Variants in TRPC4AP observed in about 807,000 individuals in gnomAD.
The protein encoded by TRPC4AP is transient receptor potential cation channel subfamily C member 4 associated protein.
TRPC4AP carries 45 observed loss-of-function variants against 99.0 expected under a neutral mutation model. That is an observed-to-expected ratio of 0.45 (90% confidence interval 0.36 to 0.58). The LOEUF (loss-of-function observed/expected upper bound fraction) is 0.58. Ranked by LOEUF, TRPC4AP falls within the 20% of genes least tolerant of loss-of-function variation. The pLI, the probability that TRPC4AP is intolerant of heterozygous loss-of-function variation, is 0.00. For synonymous variants in TRPC4AP, 408 were observed against 385.8 expected (o/e 1.06, Z -0.67); for missense variants, 879 against 985.3 (o/e 0.89, Z 1.44).
intron 2 of TRPC4AP, among the ~76,000 whole-genome samples, chr20:35,069,709 G>A (rs2084254258): frequency 6.6e-6 from 1 of 152,196 alleles, no homozygotes; most frequent in South Asian, 2.1e-4. Flanking sequence ...GGGAGGCTAA[G>A]GTGGGCGGAT....
chr20:35,044,617 G>A lies in TRPC4AP; in HGVS notation c.753C>T (p.Val251=). The A allele has an allele frequency of 6.2e-7, 1 of 1,614,110 alleles. No individual in the cohort carries two copies. The highest frequency in any genetic ancestry group is 8.5e-7 in the Non-Finnish European group (1 of 1,180,012). Residue 251 remains valine (V), a synonymous_variant, in exon 7 of 19, where the codon GTC becomes GTT. Coordinates refer to ENST00000252015, the MANE Select transcript of TRPC4AP (RefSeq NM_015638.3). ...QLANFCRILA[V]TISEMDTGND... ...TCCCTGTATCCATCTCTGAAATGGT[G>A]ACAGCCAGAATCCGGCAGAAATTAG... is the stretch of plus-strand genomic sequence containing the variant.
In TRPC4AP at chr20:35,003,212, G is replaced by A. The variant is rs2082430762; in HGVS notation, c.2328C>T (p.Pro776=). The A allele has an allele frequency of 6.2e-7, 1 of 1,614,240 alleles. No homozygotes were observed. Among genetic ancestry groups the A allele is most frequent in the Non-Finnish European group, 8.5e-7 (1 of 1,180,038 alleles). ...SILLNPDRQS[P]SALVSYIEEP... ...CCTCAATGTAGCTAACGAGAGCAGA[G>A]GGTGACTGCCGGTCCGGGTTCAACA... Residue 776 remains proline (P), a synonymous_variant, in exon 19 of 19, where the codon CCC becomes CCT. Coordinates refer to ENST00000252015, the MANE Select transcript of TRPC4AP (RefSeq NM_015638.3).
chr20:35,041,947 C>T (rs1394491713), intron 7 of TRPC4AP, among the ~76,000 whole-genome samples: 2 of 152,134 alleles, frequency 1.3e-5, no homozygotes, highest in Non-Finnish European at 2.9e-5. Flanking sequence ...CAAATACTAC[C>T]TTTTGTCAAT....
chr20:35,009,509 G>A (rs926833410), intron 12 of TRPC4AP, among the ~76,000 whole-genome samples: 1 of 152,120 alleles, frequency 6.6e-6, no homozygotes, highest in Non-Finnish European at 1.5e-5. Context: ...AGCTGGGAAT[G>A]GTGGCGCACA....
chr20:35,075,242 AT>A (rs1017581084), intron 2 of TRPC4AP, among the ~76,000 whole-genome samples: 50 of 152,298 alleles, frequency 3.3e-4, no homozygotes, highest in Middle Eastern at 6.8e-3. Context: ...TAACTGGAGC[AT>A]TTAGCCCATT....
At chr20:35,034,764 G>A (rs774233460) in intron 8 of TRPC4AP, among the ~76,000 whole-genome samples, 1 of 152,130 alleles carries the variant, frequency 6.6e-6, no homozygotes, top group Non-Finnish European at 1.5e-5. Flanking sequence ...CCAGGAAAAG[G>A]TAGGGTACAG....
chr20:35,087,608 C>T (rs2084924367), intron 1 of TRPC4AP, among the ~76,000 whole-genome samples: 1 of 152,044 alleles, frequency 6.6e-6, no homozygotes, highest in South Asian at 2.1e-4. Flanking sequence ...TCATTTGGGG[C>T]CTTGTACGCC....
At position 35,003,050 on chromosome 20, in the gene TRPC4AP, G is replaced by C; in HGVS notation, c.*96C>G. ...TACCCAAAGACCTGGGGCAGGCAGA[G>C]AGCAGCAGGGAGGAACGGGAACAGG... On this transcript the variant is annotated 3_prime_UTR_variant, in exon 19 of 19. Transcript: ENST00000252015. 6.5e-7 allele frequency: 1 copy of C among 1,530,842 alleles called. No individual in the cohort carries two copies. Among genetic ancestry groups the C allele is most frequent in the Non-Finnish European group, 8.9e-7 (1 of 1,128,420 alleles). The allele number at this position is 1,530,842 out of a possible 1,614,324, so 94.8% of individuals were successfully genotyped here.
intron 16 of TRPC4AP, 61 bp from the exon 17 acceptor site, chr20:35,004,631 G>T: frequency 2.1e-6 from 3 of 1,435,438 alleles, no homozygotes; most frequent in Non-Finnish European, 2.9e-6. Flanking sequence ...GGTCGCCCAG[G>T]CCTTTCGTGG....
chr20:35,023,811 T>A (rs1014678719), intron 8 of TRPC4AP, among the ~76,000 whole-genome samples: 1 of 152,208 alleles, frequency 6.6e-6, no homozygotes, highest in African/African-American at 2.4e-5. Flanking sequence ...GGGCACAGTG[T>A]GGGGCACACA....
chr20:35,023,259 T>A (rs1213287734), intron 8 of TRPC4AP, among the ~76,000 whole-genome samples: 2 of 152,138 alleles, frequency 1.3e-5, no homozygotes, highest in African/African-American at 4.8e-5. Flanking sequence ...TCTCTGTGCT[T>A]CAGTATCCAT....
At chr20:35,069,243 C>T in intron 3 of TRPC4AP, 53 bp downstream of exon 3, 1 of 1,031,126 alleles carries the variant, frequency 9.7e-7, no homozygotes, top group Non-Finnish European at 1.5e-6. Context: ...AAGTTAAATT[C>T]CCAAACCATT....
chr20:35,026,027 A>T (rs2083021687), intron 8 of TRPC4AP, among the ~76,000 whole-genome samples: 1 of 152,214 alleles, frequency 6.6e-6, no homozygotes. Context: ...TGTTGAAAAG[A>T]CTACTACTGT....
At chr20:35,052,346 G>C (rs934851261) in intron 5 of TRPC4AP, among the ~76,000 whole-genome samples, 4 of 151,570 alleles carry the variant, frequency 2.6e-5, no homozygotes, top group Non-Finnish European at 5.9e-5. Flanking sequence ...CTCCTGCCTC[G>C]GCCTATCAAA....
At chr20:35,016,351 T>C (rs2082753651) in intron 9 of TRPC4AP, among the ~76,000 whole-genome samples, 1 of 152,138 alleles carries the variant, frequency 6.6e-6, no homozygotes, top group Admixed American at 6.5e-5. Context: ...CTCACAATAA[T>C]CCTACAAGGC....
In TRPC4AP at chr20:35,059,736, CTACGACGAAGAAGAAGAAGACGAAGAA is replaced by C. The variant is rs1199600669; in HGVS notation, c.415-2192_415-2166del. Among the ~76,000 whole-genome samples, 23 of 150,788 alleles carry C rather than the reference CTACGACGAAGAAGAAGAAGACGAAGAA, an allele frequency of 1.5e-4. No homozygotes were observed. The South Asian group carries it at 4.6e-3, about 30-fold the overall frequency. ...AAGAAGAAGAAGAAGAGGAAGAAGA[CTACGACGAAGAAGAAGAAGACGAAGAA>C]GACGACGAAGACAAAGAAGATGAAG... On this transcript the variant is annotated intron_variant, in intron 3 of 18. Coordinates refer to ENST00000252015, the MANE Select transcript of TRPC4AP (RefSeq NM_015638.3).
chr20:35,078,060 G>A lies in TRPC4AP; in HGVS notation c.283C>T (p.Gln95Ter), dbSNP rs745550690. Residue 95 changes from glutamine (Q) to a stop codon, truncating the protein, a stop_gained, in exon 2 of 19, where the codon CAA becomes TAA. Coordinates refer to ENST00000252015, the MANE Select transcript of TRPC4AP (RefSeq NM_015638.3). LOFTEE classifies it high-confidence loss of function. ...TTAAGAGTTACCTTGAGGATGTTTT[G>A]ACACTCAACAAAGTCACTGTGGAGG... ...SHLHSDFVEC[Q>*]NILKEISPLL... 6.2e-7 allele frequency: 1 copy of A among 1,613,280 alleles called. No individual in the cohort carries two copies. The highest frequency in any genetic ancestry group is 2.2e-5 in the East Asian group (1 of 44,866).
At chr20:35,009,228 G>A (rs1162710150) in intron 12 of TRPC4AP, among the ~76,000 whole-genome samples, 9 of 152,342 alleles carry the variant, frequency 5.9e-5, no homozygotes, top group South Asian at 4.1e-4. Context: ...CCCGTCATGG[G>A]GGAAGGAAGA....
At chr20:35,055,270 C>T (rs948891846) in intron 4 of TRPC4AP, among the ~76,000 whole-genome samples, 1 of 152,208 alleles carries the variant, frequency 6.6e-6, no homozygotes, top group African/African-American at 2.4e-5. Context: ...TTATGCTCCA[C>T]AGTCTTCATA....
Sources: allele counts gnomAD v4.1 joint callset (sites outside exome capture counted in the v4.1 genomes callset), GRCh38; gene constraint gnomAD v4.1.1; transcripts MANE v1.5; gene names NCBI Gene and HGNC (gene_info 2026-07-23, HGNC 2026-07-21).